The following SGCZ variants were observed in gnomAD, a reference collection of about 807,000 sequenced individuals.
The protein encoded by SGCZ is zeta-sarcoglycan.
A neutral mutation model predicts 41.3 loss-of-function variants in SGCZ; 40 were observed. The observed-to-expected ratio is 0.97, with a 90% CI of 0.75 to 1.26. The LOEUF is 1.26. SGCZ is among the 50% of genes most tolerant of loss of function. The pLI, the probability that SGCZ is intolerant of heterozygous loss-of-function variation, is 0.00. For missense variants in SGCZ, 552 were observed against 369.8 expected (o/e 1.49, Z -4.04); for synonymous variants, 206 against 137.5 (o/e 1.50, Z -3.49).
chr8:15,093,668 G>A (rs567183405), intron 1 of SGCZ, among the ~76,000 whole-genome samples: 18 of 152,188 alleles, frequency 1.2e-4, no homozygotes, highest in East Asian at 3.9e-4. Context: ...AACAGAACAC[G>A]TTTATTGTAC....
At chr8:14,478,465 A>G (rs1162266050) in intron 2 of SGCZ, among the ~76,000 whole-genome samples, 2 of 152,222 alleles carry the variant, frequency 1.3e-5, no homozygotes, top group Non-Finnish European at 2.9e-5. Context: ...CAACTACATG[A>G]CATTCCAAGA....
intron 2 of SGCZ, among the ~76,000 whole-genome samples, chr8:14,479,881 G>A (rs1390548961): frequency 6.6e-6 from 1 of 151,166 alleles, no homozygotes; most frequent in African/African-American, 2.4e-5. Flanking sequence ...AAGTAGCTGG[G>A]ATTACAGGCG....
intron 1 of SGCZ, among the ~76,000 whole-genome samples, chr8:14,618,117 C>G (rs1379404022): frequency 6.6e-6 from 1 of 151,966 alleles, no homozygotes; most frequent in African/African-American, 2.4e-5. Context: ...AACTATGTGC[C>G]ATGCACTATT....
At chr8:14,812,325 G>C (rs2250991) in intron 1 of SGCZ, among the ~76,000 whole-genome samples, 2 of 151,920 alleles carry the variant, frequency 1.3e-5, no homozygotes, top group East Asian at 1.9e-4. Context: ...AAGGAACAAA[G>C]ATATACAAAC....
chr8:14,415,193 T>G (rs1391990659), intron 2 of SGCZ, among the ~76,000 whole-genome samples: 1 of 151,924 alleles, frequency 6.6e-6, no homozygotes, highest in Non-Finnish European at 1.5e-5. Context: ...AAATAATGCT[T>G]CACAAGTGTT....
At chr8:14,127,884 C>A (rs1733571433) in intron 5 of SGCZ, among the ~76,000 whole-genome samples, 1 of 152,086 alleles carries the variant, frequency 6.6e-6, no homozygotes, top group South Asian at 2.1e-4. Context: ...AGCCCAGTAC[C>A]CGATAATTAT....
intron 1 of SGCZ, among the ~76,000 whole-genome samples, chr8:15,164,360 G>T (rs898704833): frequency 2.0e-5 from 3 of 151,818 alleles, no homozygotes; most frequent in Non-Finnish European, 4.4e-5. Flanking sequence ...GCTCCCAGCC[G>T]CTCCCCACTC....
chr8:14,288,092 T>C (rs1481440649), intron 3 of SGCZ, among the ~76,000 whole-genome samples: 8 of 152,136 alleles, frequency 5.3e-5, no homozygotes, highest in African/African-American at 1.9e-4. Flanking sequence ...CTGTTGACTT[T>C]TGACCCATGA....
chr8:14,532,550 T>C lies in SGCZ; in HGVS notation c.234+22182A>G, dbSNP rs181220916. 9.2e-5 allele frequency among the ~76,000 whole-genome samples: 14 copies of C among 151,996 alleles called. No homozygotes were observed. The South Asian group carries it at 2.5e-3, about 27-fold the overall frequency. On this transcript the variant is annotated intron_variant, in intron 2 of 7. Coordinates refer to ENST00000382080, the MANE Select transcript of SGCZ (RefSeq NM_139167.4). ...AGATAAAGAGAGCTAACTGTTCTTATGCTTTGTGGGAGCAAGTGGAATAGC... is the reference window on the plus strand; with the variant it reads ...AGATAAAGAGAGCTAACTGTTCTTACGCTTTGTGGGAGCAAGTGGAATAGC...
At position 14,255,640 on chromosome 8, in the gene SGCZ, AT is replaced by A. The variant is rs759578141; in HGVS notation, c.337-17962del. Reference sequence around the variant, plus strand: ...TAATAAAAACATAAATCATCCAAAAATATTCTTTTAATGAATTTTTCTCCAA... The same window carrying A: ...TAATAAAAACATAAATCATCCAAAAAATTCTTTTAATGAATTTTTCTCCAA... On this transcript the variant is annotated intron_variant, in intron 3 of 7. Transcript: ENST00000382080. Among the ~76,000 whole-genome samples, 10 of 152,240 alleles carry A rather than the reference AT, an allele frequency of 6.6e-5. No individual in the cohort carries two copies. The East Asian group carries it at 1.7e-3, about 26-fold the overall frequency.
chr8:14,587,392 T>A lies in SGCZ; in HGVS notation c.40-32466A>T, dbSNP rs549226051. Among the ~76,000 whole-genome samples, 130 of 147,496 alleles carry A rather than the reference T, an allele frequency of 8.8e-4. 1 individual carries two copies. Among genetic ancestry groups the A allele is most frequent in the African/African-American group, 3.1e-3 (126 of 40,800 alleles). On this transcript the variant is annotated intron_variant, in intron 1 of 7. Transcript: ENST00000382080. ...TTGGAGCTAAAAAAAAAAAAAAAGT[T>A]TGGGTGTTGTGGCTCACAGATGTAA... is the stretch of plus-strand genomic sequence containing the variant.
At chr8:14,188,990 C>T (rs1805003112) in intron 4 of SGCZ, among the ~76,000 whole-genome samples, 1 of 149,172 alleles carries the variant, frequency 6.7e-6, no homozygotes, top group Non-Finnish European at 1.5e-5. Flanking sequence ...TGAGTAGCTG[C>T]GATTACAGGC....
At chr8:15,206,746 C>A (rs1413944243) in intron 1 of SGCZ, among the ~76,000 whole-genome samples, 1 of 151,924 alleles carries the variant, frequency 6.6e-6, no homozygotes, top group African/African-American at 2.4e-5. Flanking sequence ...TGCACCCAGC[C>A]GGGCAGAGTC....
intron 1 of SGCZ, among the ~76,000 whole-genome samples, chr8:14,856,575 T>C (rs1280182227): frequency 1.3e-5 from 2 of 152,138 alleles, no homozygotes; most frequent in Admixed American, 6.5e-5. Flanking sequence ...TGCAAATCAA[T>C]AGAGTATTCT....
intron 1 of SGCZ, among the ~76,000 whole-genome samples, chr8:15,041,725 T>G (rs1015256385): frequency 6.6e-6 from 1 of 152,136 alleles, no homozygotes; most frequent in Non-Finnish European, 1.5e-5. Context: ...CACAAACACA[T>G]GTATAATTTT....
At chr8:15,162,283 C>T (rs934967854) in intron 1 of SGCZ, among the ~76,000 whole-genome samples, 10 of 152,132 alleles carry the variant, frequency 6.6e-5, no homozygotes, top group African/African-American at 2.4e-4. Flanking sequence ...AAATAAATAA[C>T]GAGGAATTTT....
intron 4 of SGCZ, among the ~76,000 whole-genome samples, chr8:14,201,516 A>C (rs1356907591): frequency 6.6e-6 from 1 of 152,196 alleles, no homozygotes; most frequent in Non-Finnish European, 1.5e-5. Flanking sequence ...TGAGTGAAAG[A>C]AACCACACTC....
chr8:14,103,029 T>C (rs1375386061), intron 6 of SGCZ, among the ~76,000 whole-genome samples: 1 of 152,174 alleles, frequency 6.6e-6, no homozygotes, highest in Non-Finnish European at 1.5e-5. Context: ...ACTTGACACC[T>C]CTAGAAACTG....
chr8:15,206,582 G>A (rs1267564789), intron 1 of SGCZ, among the ~76,000 whole-genome samples: 1 of 151,782 alleles, frequency 6.6e-6, no homozygotes, highest in Non-Finnish European at 1.5e-5. Flanking sequence ...CGGAGTAGCT[G>A]GGATTACAGG....
Sources: allele counts gnomAD v4.1 joint callset (sites outside exome capture counted in the v4.1 genomes callset), GRCh38; gene constraint gnomAD v4.1.1; transcripts MANE v1.5; gene names NCBI Gene and HGNC (gene_info 2026-07-23, HGNC 2026-07-21).